Variants in KLF12 observed in about 807,000 individuals in gnomAD.
The protein encoded by KLF12 is KLF transcription factor 12.
KLF12 carries 9 observed loss-of-function variants against 37.8 expected under a neutral mutation model. The ratio of observed to expected loss-of-function variants is 0.24; its 90% CI spans 0.14 to 0.42. KLF12 has a LOEUF of 0.42. Ranked by LOEUF, KLF12 falls within the 10% of genes least tolerant of loss-of-function variation. The probability of loss-of-function intolerance (pLI) is 1.00; values close to 1 mark genes in which losing one functional copy is unlikely to be tolerated. For missense variants in KLF12, 411 were observed against 516.0 expected, an observed-to-expected ratio of 0.80 and a Z score of 1.97; for synonymous variants, 208 against 202.1, an observed-to-expected ratio of 1.03 and a Z score of -0.25.
intron 6 of KLF12, among the ~76,000 whole-genome samples, chr13:73,740,425 A>T (rs1018833291): frequency 6.6e-6 from 1 of 152,246 alleles, no homozygotes; most frequent in Admixed American, 6.5e-5. Flanking sequence ...AGTAGTTGAA[A>T]AAGACTAAGA....
intron 3 of KLF12, among the ~76,000 whole-genome samples, chr13:73,922,558 G>T (rs551184573): frequency 6.6e-6 from 1 of 152,254 alleles, no homozygotes; most frequent in Admixed American, 6.5e-5. Context: ...GGTATAATCT[G>T]TCTCTTCTTA....
chr13:73,917,265 C>T (rs185028813), intron 3 of KLF12, among the ~76,000 whole-genome samples: 1 of 152,278 alleles, frequency 6.6e-6, no homozygotes, highest in Admixed American at 6.5e-5. Flanking sequence ...GAGACAGGCA[C>T]TTACTATACT....
intron 6 of KLF12, among the ~76,000 whole-genome samples, chr13:73,729,344 T>C (rs1482338366): frequency 6.6e-6 from 1 of 152,244 alleles, no homozygotes; most frequent in Non-Finnish European, 1.5e-5. Flanking sequence ...AAGTGAACTG[T>C]ACTGTTTACA....
chr13:74,178,962 C>T, the KLF12 span, among the ~76,000 whole-genome samples: 2 of 152,208 alleles, frequency 1.3e-5, no homozygotes, highest in African/African-American at 4.8e-5. Flanking sequence ...AATATAACCT[C>T]TAACTTATCT....
chr13:73,785,118 A>ATTTT (rs202165551), intron 5 of KLF12, among the ~76,000 whole-genome samples: 1 of 145,874 alleles, frequency 6.9e-6, no homozygotes, highest in Non-Finnish European at 1.5e-5. Flanking sequence ...TAATTATCTA[A>ATTTT]TTTTTTTTTT....
chr13:73,763,202 T>A (rs1187495231), intron 6 of KLF12, among the ~76,000 whole-genome samples: 1 of 152,188 alleles, frequency 6.6e-6, no homozygotes, highest in Non-Finnish European at 1.5e-5. Flanking sequence ...TGCTAACTTC[T>A]CCTTCTAAAC....
intron 3 of KLF12, among the ~76,000 whole-genome samples, chr13:73,850,406 C>G (rs976087620): frequency 6.6e-6 from 1 of 152,184 alleles, no homozygotes; most frequent in Non-Finnish European, 1.5e-5. Context: ...AAACCTCCTA[C>G]TTGTTAGTTC....
At chr13:73,705,997 C>A (rs1469787610) in intron 7 of KLF12, among the ~76,000 whole-genome samples, 1 of 152,076 alleles carries the variant, frequency 6.6e-6, no homozygotes, top group Non-Finnish European at 1.5e-5. Flanking sequence ...ATTAAAAATA[C>A]AAAAATTAGC....
intron 3 of KLF12, among the ~76,000 whole-genome samples, chr13:73,854,551 A>G (rs1885507164): frequency 6.6e-6 from 1 of 152,238 alleles, no homozygotes; most frequent in African/African-American, 2.4e-5. Context: ...ATGTAAACAA[A>G]GGCATATTAG....
chr13:74,146,985 T>G, the KLF12 span, among the ~76,000 whole-genome samples: 2 of 152,184 alleles, frequency 1.3e-5, no homozygotes. Context: ...GACACTTAAG[T>G]GTTGAAGACT....
At chr13:73,851,282 T>A (rs980564498) in intron 3 of KLF12, among the ~76,000 whole-genome samples, 1 of 152,210 alleles carries the variant, frequency 6.6e-6, no homozygotes, top group Non-Finnish European at 1.5e-5. Context: ...TGACACAGAA[T>A]CTCATAAATA....
At chr13:74,021,393 C>T (rs1694533041) in intron 1 of KLF12, among the ~76,000 whole-genome samples, 1 of 152,076 alleles carries the variant, frequency 6.6e-6, no homozygotes, top group African/African-American at 2.4e-5. Context: ...GATTGTAATT[C>T]CATGTTTTTG....
At chr13:73,898,925 C>T (rs912654222) in intron 3 of KLF12, among the ~76,000 whole-genome samples, 1 of 152,216 alleles carries the variant, frequency 6.6e-6, no homozygotes, top group Admixed American at 6.5e-5. Flanking sequence ...GATTAAGGGA[C>T]ACTGCAGAGG....
Position 74,123,928 on chromosome 13 carries a change from CAT to C in KLF12, c.-32+9809_-32+9810del, listed in dbSNP as rs573767419. ...GTGTTCTCATCAGTTACATGGGTAA[CAT>C]GTGTTCAATCCACCATACAGAACTA... On this transcript the variant is annotated intron_variant, in intron 1 of 7. Coordinates refer to ENST00000377669, the MANE Select transcript of KLF12 (RefSeq NM_007249.5). Among the ~76,000 whole-genome samples the C allele has an allele frequency of 1.8e-3, 275 of 152,314 alleles. 1 individual carries two copies. Among genetic ancestry groups the C allele is most frequent in the African/African-American group, 6.0e-3 (250 of 41,582 alleles).
At chr13:73,786,183 T>C (rs1881331433) in intron 5 of KLF12, among the ~76,000 whole-genome samples, 2 of 152,174 alleles carry the variant, frequency 1.3e-5, no homozygotes, top group South Asian at 2.1e-4. Flanking sequence ...TGGTGAGCAG[T>C]GAGTGGCAGA....
intron 3 of KLF12, among the ~76,000 whole-genome samples, chr13:73,920,623 T>A (rs541802572): frequency 6.6e-6 from 1 of 152,054 alleles, no homozygotes; most frequent in African/African-American, 2.4e-5. Context: ...CCCATTCCCA[T>A]CCCTAGGCAC....
intron 3 of KLF12, among the ~76,000 whole-genome samples, chr13:73,906,423 T>C (rs1280391912): frequency 6.6e-6 from 1 of 152,216 alleles, no homozygotes; most frequent in African/African-American, 2.4e-5. Context: ...AGTTTACTAA[T>C]TCTCTTTAGC....
At position 73,714,509 on chromosome 13, in the gene KLF12, C is replaced by T. The variant is rs138984319; in HGVS notation, c.1027+859G>A. 2.6e-3 allele frequency among the ~76,000 whole-genome samples: 400 copies of T among 152,242 alleles called. 1 individual carries two copies. The highest frequency in any genetic ancestry group is 8.9e-3 in the African/African-American group (370 of 41,536). ...TTGCTTGCTGTGAGCCATGTTTTAC[C>T]GGGAATGTGTGAATGAATTTCCCTG... On this transcript the variant is annotated intron_variant, in intron 7 of 7. Coordinates refer to ENST00000377669, the MANE Select transcript of KLF12 (RefSeq NM_007249.5).
intron 4 of KLF12, among the ~76,000 whole-genome samples, chr13:73,830,233 T>C (rs1884080965): frequency 6.6e-6 from 1 of 152,184 alleles, no homozygotes; most frequent in African/African-American, 2.4e-5. Flanking sequence ...TGGGTAATGA[T>C]CTACTATAAC....
Sources: allele counts gnomAD v4.1 joint callset (sites outside exome capture counted in the v4.1 genomes callset), GRCh38; gene constraint gnomAD v4.1.1; transcripts MANE v1.5; gene names NCBI Gene and HGNC (gene_info 2026-07-23, HGNC 2026-07-21).